The following CFAP77 variants were observed in gnomAD, a reference collection of about 807,000 sequenced individuals.
The protein encoded by CFAP77 is cilia- and flagella-associated protein 77.
A neutral mutation model predicts 31.1 loss-of-function variants in CFAP77; 25 were observed. That is an observed-to-expected ratio of 0.80 (90% CI 0.59 to 1.12). The LOEUF is 1.12. CFAP77 is among the 50% of genes most tolerant of loss of function. The probability of loss-of-function intolerance (pLI) is 0.00; values close to 1 mark genes in which losing one functional copy is unlikely to be tolerated. For synonymous variants in CFAP77, 151 were observed against 159.9 expected (o/e 0.94, Z 0.42); for missense variants, 377 against 397.3 (o/e 0.95, Z 0.44).
At chr9:132,534,714 C>A (rs1852516991) in intron 3 of CFAP77, among the ~76,000 whole-genome samples, 1 of 151,618 alleles carries the variant, frequency 6.6e-6, no homozygotes, top group Non-Finnish European at 1.5e-5. Flanking sequence ...TATTTATTTT[C>A]AGAATAATGA....
rs528218133 is a variant in CFAP77, at chr9:132,464,625, T to C, written c.196-34070T>C. On this transcript the variant is annotated intron_variant, in intron 1 of 5. Transcript: ENST00000393216. ...CAATATAAAATTATTAATGAGCCCGTTTTCCATTCCTTTTTTGGCCTGACA... is the reference window on the plus strand; with the variant it reads ...CAATATAAAATTATTAATGAGCCCGCTTTCCATTCCTTTTTTGGCCTGACA... Among the ~76,000 whole-genome samples, 5 of 152,288 alleles carry C rather than the reference T, an allele frequency of 3.3e-5. No individual in the cohort carries two copies. In the East Asian group the frequency reaches 9.6e-4, roughly 29 times the overall value.
chr9:132,511,347 G>A lies in CFAP77; in HGVS notation c.524+11747G>A, dbSNP rs1022224827. ...GATGCTCGTTCCCACCTTGCCTGGC[G>A]GAGGCCTCACCGTCCTTCAGACACT... is the stretch of plus-strand genomic sequence containing the variant. On this transcript the variant is annotated intron_variant, in intron 3 of 5. Coordinates refer to ENST00000393216, the MANE Select transcript of CFAP77 (RefSeq NM_001282957.2). This position sits in a 1 kb window ranked among gnomAD's most constrained non-coding sequence, Gnocchi z 5.8. 6.6e-6 allele frequency among the ~76,000 whole-genome samples: 1 copy of A among 152,096 alleles called. No individual in the cohort carries two copies. Among genetic ancestry groups the A allele is most frequent in the Admixed American group, 6.6e-5 (1 of 15,262 alleles).
At chr9:132,561,691 G>A (rs1395940598) in intron 5 of CFAP77, among the ~76,000 whole-genome samples, 2 of 149,432 alleles carry the variant, frequency 1.3e-5, no homozygotes, top group African/African-American at 2.5e-5. Flanking sequence ...GGATGGGTTC[G>A]CAAGCAACAG....
intron 1 of CFAP77, among the ~76,000 whole-genome samples, chr9:132,447,608 A>G (rs1459717158): frequency 6.6e-6 from 1 of 152,244 alleles, no homozygotes; most frequent in Non-Finnish European, 1.5e-5. Context: ...CGCGTAGATC[A>G]GCACGTCGGT....
intron 1 of CFAP77, among the ~76,000 whole-genome samples, chr9:132,412,777 T>C (rs1850031416): frequency 6.6e-6 from 1 of 152,312 alleles, no homozygotes; most frequent in South Asian, 2.1e-4. Context: ...TTTGGTGTTT[T>C]TGACTAAAGA....
rs1044393125 is a variant in CFAP77 at position 132,440,489 on chromosome 9, A to G, written c.195+30023A>G. ...GATACCATTGGTATTCCCATTTTAC[A>G]GATCAGAAAACCAAGGCTCAGAGAA... On this transcript the variant is annotated intron_variant, in intron 1 of 5. Coordinates refer to ENST00000393216, the MANE Select transcript of CFAP77 (RefSeq NM_001282957.2). Among the ~76,000 whole-genome samples, 14 of 152,348 alleles carry G rather than the reference A, an allele frequency of 9.2e-5. No homozygotes were observed. The East Asian group carries it at 9.6e-4, about 10-fold the overall frequency.
intron 1 of CFAP77, among the ~76,000 whole-genome samples, chr9:132,493,793 G>A (rs1403281856): frequency 2.0e-5 from 3 of 152,130 alleles, no homozygotes; most frequent in Non-Finnish European, 4.4e-5. Flanking sequence ...CCACACATGT[G>A]GTTGCCCACA....
At chr9:132,464,265 C>G (rs903110789) in intron 1 of CFAP77, among the ~76,000 whole-genome samples, 1 of 152,110 alleles carries the variant, frequency 6.6e-6, no homozygotes, top group African/African-American at 2.4e-5. Context: ...ATACAGGGCT[C>G]GGTCTCTGCC....
intron 3 of CFAP77, among the ~76,000 whole-genome samples, chr9:132,518,564 C>T (rs1181437618): frequency 1.3e-5 from 2 of 152,022 alleles, no homozygotes; most frequent in East Asian, 1.9e-4. Flanking sequence ...TGTGAGGACT[C>T]GGTGAGCTTT....
intron 3 of CFAP77, among the ~76,000 whole-genome samples, chr9:132,536,277 A>G (rs1247127723): frequency 2.0e-5 from 3 of 152,026 alleles, no homozygotes; most frequent in African/African-American, 4.8e-5. Flanking sequence ...CTGTTGGTAG[A>G]GACCACAGTC....
At chr9:132,419,584 CA>C (rs1850173413) in intron 1 of CFAP77, among the ~76,000 whole-genome samples, 3 of 152,194 alleles carry the variant, frequency 2.0e-5, no homozygotes, top group African/African-American at 7.2e-5. Flanking sequence ...TTGGCCGTGT[CA>C]CCACATTAAA....
At chr9:132,494,366 A>G (rs1851703439) in intron 1 of CFAP77, among the ~76,000 whole-genome samples, 2 of 152,190 alleles carry the variant, frequency 1.3e-5, no homozygotes, top group African/African-American at 4.8e-5. Context: ...CCAAACCATG[A>G]CGACCAAAAA....
rs1296597470 is a variant in CFAP77, at chr9:132,565,376, T to A, written c.733-7012T>A. On this transcript the variant is annotated intron_variant, in intron 5 of 5. Transcript: ENST00000393216. The surrounding 1 kb of genome is among the most constrained non-coding windows in gnomAD (Gnocchi z 4.1). ...CTGGTGCCGTGGCTCACGCCTGTAA[T>A]CCCAGCACTTTGGGAGGCCGAGGTG... Among the ~76,000 whole-genome samples the A allele has an allele frequency of 2.0e-5, 3 of 152,072 alleles. No homozygotes were observed. Among genetic ancestry groups the A allele is most frequent in the Non-Finnish European group, 4.4e-5 (3 of 68,006 alleles).
At chr9:132,469,252 GC>G (rs1851212025) in intron 1 of CFAP77, among the ~76,000 whole-genome samples, 2 of 152,110 alleles carry the variant, frequency 1.3e-5, no homozygotes, top group African/African-American at 4.8e-5. Flanking sequence ...TTTCCCCCAA[GC>G]GCCTTACAAA....
intron 1 of CFAP77, among the ~76,000 whole-genome samples, chr9:132,434,239 G>C (rs1052091340): frequency 2.0e-5 from 3 of 152,126 alleles, no homozygotes; most frequent in African/African-American, 7.2e-5. Context: ...GCTCTGAGGT[G>C]TTTTATGTGG....
chr9:132,504,167 G>A (rs1235279665), intron 3 of CFAP77, among the ~76,000 whole-genome samples: 1 of 152,236 alleles, frequency 6.6e-6, no homozygotes, highest in Non-Finnish European at 1.5e-5. Flanking sequence ...AGGTTGCACA[G>A]CAATTTGTTA....
At chr9:132,534,706 T>C (rs1437042414) in intron 3 of CFAP77, among the ~76,000 whole-genome samples, 1 of 152,176 alleles carries the variant, frequency 6.6e-6, no homozygotes, top group Non-Finnish European at 1.5e-5. Flanking sequence ...TGTTCTGTTA[T>C]TTATTTTCAG....
chr9:132,421,380 T>C (rs1169027732), intron 1 of CFAP77, among the ~76,000 whole-genome samples: 1 of 152,184 alleles, frequency 6.6e-6, no homozygotes, highest in Non-Finnish European at 1.5e-5. Context: ...TTTGCCAGGC[T>C]TAAAGTTTAT....
At chr9:132,426,957 C>G (rs1301649551) in intron 1 of CFAP77, among the ~76,000 whole-genome samples, 3 of 152,176 alleles carry the variant, frequency 2.0e-5, no homozygotes, top group South Asian at 2.1e-4. Context: ...GAAGATGGAT[C>G]TCAGCCGTAA....
Sources: allele counts gnomAD v4.1 joint callset (sites outside exome capture counted in the v4.1 genomes callset), GRCh38; gene constraint gnomAD v4.1.1; non-coding constraint Gnocchi (gnomAD v3.1); transcripts MANE v1.5; gene names NCBI Gene and HGNC (gene_info 2026-07-23, HGNC 2026-07-21).